Variants in OIT3 observed in about 807,000 individuals in gnomAD.
OIT3 encodes the protein oncoprotein-induced transcript 3 protein.
A neutral mutation model predicts 52.2 loss-of-function variants in OIT3; 41 were observed. The observed-to-expected ratio is 0.79, with a 90% CI of 0.61 to 1.02. The LOEUF is 1.02. Among genes scored for constraint, OIT3 ranks in the 50% least tolerant of loss-of-function variants. The pLI, the probability that OIT3 is intolerant of heterozygous loss-of-function variation, is 0.00. For missense variants in OIT3, 634 were observed against 715.5 expected (o/e 0.89, Z 1.30); for synonymous variants, 244 against 276.9 (o/e 0.88, Z 1.18).
In OIT3 at chr10:72,932,498, C is replaced by G. The variant is rs776093576; in HGVS notation, c.1612C>G (p.Pro538Ala). Residue 538 changes from proline (P) to alanine (A), a missense_variant, in exon 9 of 9, where the codon CCG becomes GCG. Pro to Ala is a conservative substitution (Grantham distance 27). Coordinates refer to ENST00000334011, the MANE Select transcript of OIT3 (RefSeq NM_152635.3). Reference protein sequence around the residue: ...GLQGQTLTGGPIRIDWED With the variant: ...GLQGQTLTGGAIRIDWED ...ACAGGGCCAGACGCTAACAGGCGGC[C>G]CGATCCGCATCGACTGGGAGGACTA... is the stretch of plus-strand genomic sequence containing the variant. 9.3e-6 allele frequency: 15 copies of G among 1,611,102 alleles called. No individual in the cohort carries two copies. Among genetic ancestry groups the G allele is most frequent in the Middle Eastern group, 1.7e-4 (1 of 6,044 alleles).
At chr10:72,918,249 G>C (rs1242347570) in intron 6 of OIT3, 1 of 816,182 alleles carries the variant, frequency 1.2e-6, no homozygotes, top group South Asian at 1.3e-5. Context: ...GATCACTGGG[G>C]GTGTTATTTC....
chr10:72,899,739 AGATAGATAGATAGATAGATG>A (rs1387643511), intron 2 of OIT3, among the ~76,000 whole-genome samples: 111 of 151,414 alleles, frequency 7.3e-4, no homozygotes, highest in African/African-American at 2.4e-3. Context: ...ATAGATAGAT[AGATAGATAGATAGATAGATG>A]ATAGATAGAT....
intron 7 of OIT3, among the ~76,000 whole-genome samples, chr10:72,925,254 T>C (rs922212766): frequency 2.0e-5 from 3 of 152,136 alleles, no homozygotes; most frequent in African/African-American, 7.2e-5. Context: ...AAATGACATA[T>C]TGAATAATTT....
At chr10:72,928,920 C>G (rs1464121375) in intron 7 of OIT3, among the ~76,000 whole-genome samples, 1 of 152,084 alleles carries the variant, frequency 6.6e-6, no homozygotes, top group Non-Finnish European at 1.5e-5. Flanking sequence ...AGAAAGCAGT[C>G]TGGCTGGGCA....
intron 7 of OIT3, among the ~76,000 whole-genome samples, chr10:72,929,729 G>C (rs536519405): frequency 8.5e-5 from 13 of 152,100 alleles, no homozygotes; most frequent in Admixed American, 5.9e-4. Context: ...TATTAATAGA[G>C]ACGGGTTTTC....
chr10:72,922,963 T>A (rs889975942), intron 6 of OIT3, among the ~76,000 whole-genome samples: 1 of 152,116 alleles, frequency 6.6e-6, no homozygotes, highest in Non-Finnish European at 1.5e-5. Context: ...GCAACCTTTG[T>A]CTCCTGCATT....
At chr10:72,898,164 G>C (rs1255752274) in intron 1 of OIT3, among the ~76,000 whole-genome samples, 4 of 151,814 alleles carry the variant, frequency 2.6e-5, no homozygotes, top group African/African-American at 9.7e-5. Context: ...GCATACGCTT[G>C]TGGTCCCAGC....
chr10:72,930,153 T>C (rs1189337006), intron 7 of OIT3, among the ~76,000 whole-genome samples: 1 of 152,212 alleles, frequency 6.6e-6, no homozygotes, highest in Non-Finnish European at 1.5e-5. Context: ...AAGAAAAGCC[T>C]TCTCAAATCA....
intron 6 of OIT3, among the ~76,000 whole-genome samples, chr10:72,915,379 A>G (rs946172686): frequency 1.3e-5 from 2 of 152,202 alleles, no homozygotes; most frequent in Admixed American, 6.5e-5. Context: ...CAAGCAATAA[A>G]TTAGGGAATA....
intron 7 of OIT3, among the ~76,000 whole-genome samples, chr10:72,928,584 A>G (rs1042604053): frequency 6.6e-6 from 1 of 152,202 alleles, no homozygotes; most frequent in African/African-American, 2.4e-5. Context: ...TTATCTTAAG[A>G]TACTGGACTG....
chr10:72,920,741 G>C lies in OIT3; in HGVS notation c.952-3488G>C, dbSNP rs183441589. 7.9e-5 allele frequency among the ~76,000 whole-genome samples: 12 copies of C among 152,284 alleles called. 1 individual carries two copies. The East Asian group carries it at 2.3e-3, about 29-fold the overall frequency. On this transcript the variant is annotated intron_variant, in intron 6 of 8. Transcript: ENST00000334011. ...CATTTCCATGTAATTGTATGGTTTT[G>C]AGTGAATTTCTTAGTCTTGAGTTCT...
chr10:72,927,293 C>A (rs1357175493), intron 7 of OIT3, among the ~76,000 whole-genome samples: 1 of 152,140 alleles, frequency 6.6e-6, no homozygotes, highest in African/African-American at 2.4e-5. Context: ...GCATATACCA[C>A]CACACCCAAC....
intron 6 of OIT3, chr10:72,917,919 G>C: frequency 1.8e-6 from 2 of 1,127,660 alleles, no homozygotes; most frequent in Non-Finnish European, 2.7e-6. Context: ...TACATTTTTG[G>C]CTGGAGTATC....
intron 1 of OIT3, among the ~76,000 whole-genome samples, chr10:72,896,976 A>G (rs1282662067): frequency 6.6e-6 from 1 of 152,042 alleles, no homozygotes; most frequent in African/African-American, 2.4e-5. Flanking sequence ...AATATTGGAG[A>G]TATTGGTTCT....
At chr10:72,910,032 A>G (rs1159630880) in intron 4 of OIT3, among the ~76,000 whole-genome samples, 4 of 152,334 alleles carry the variant, frequency 2.6e-5, no homozygotes, top group East Asian at 1.9e-4. Context: ...TTTGCCAGAT[A>G]TATCCATTCT....
intron 8 of OIT3, 99 bp downstream of exon 8, chr10:72,930,736 G>A (rs1846209881): frequency 5.5e-6 from 4 of 727,934 alleles, no homozygotes; most frequent in Non-Finnish European, 9.4e-6. Context: ...CCCACTGGTG[G>A]GATCTGCATG....
At chr10:72,910,216 G>A (rs895630653) in intron 4 of OIT3, among the ~76,000 whole-genome samples, 1 of 152,054 alleles carries the variant, frequency 6.6e-6, no homozygotes, top group African/African-American at 2.4e-5. Context: ...AATGACTTAA[G>A]GAAGGTAACT....
chr10:72,932,193 G>C (rs896647834), intron 8 of OIT3, among the ~76,000 whole-genome samples, 161 bp from the exon 9 acceptor site: 3 of 152,140 alleles, frequency 2.0e-5, no homozygotes, highest in Non-Finnish European at 4.4e-5. Flanking sequence ...TAACCTCTCT[G>C]TTTCCTTATC....
chr10:72,920,415 T>C (rs1001694638), intron 6 of OIT3, among the ~76,000 whole-genome samples: 1 of 152,212 alleles, frequency 6.6e-6, no homozygotes, highest in Non-Finnish European at 1.5e-5. Flanking sequence ...AATGGTTTTT[T>C]GTGTCTCTGT....
Sources: gnomAD v4.1 joint callset for allele counts (sites outside exome capture counted in the v4.1 genomes callset) on GRCh38, gnomAD v4.1.1 for gene constraint, MANE v1.5 for transcripts, NCBI Gene and HGNC (gene_info 2026-07-23, HGNC 2026-07-21) for gene names.